The following B3GALT1 variants were observed in gnomAD, a reference collection of about 807,000 sequenced individuals.
The protein encoded by B3GALT1 is beta-1,3-galactosyltransferase 1.
B3GALT1 carries 10 observed loss-of-function variants against 23.2 expected under a neutral mutation model. The observed-to-expected ratio is 0.43, with a 90% confidence interval of 0.27 to 0.73. The LOEUF (loss-of-function observed/expected upper bound fraction) is 0.73. Among genes scored for constraint, B3GALT1 ranks in the 30% least tolerant of loss-of-function variants. The probability of loss-of-function intolerance (pLI) is 0.21; values close to 1 mark genes in which losing one functional copy is unlikely to be tolerated. For missense variants in B3GALT1, 299 were observed against 405.4 expected (o/e 0.74, Z 2.25); for synonymous variants, 156 against 141.5 (o/e 1.10, Z -0.73).
chr2:167,294,604 T>C (rs1298892483), intron 1 of B3GALT1, among the ~76,000 whole-genome samples: 1 of 152,172 alleles, frequency 6.6e-6, no homozygotes, highest in Non-Finnish European at 1.5e-5. Context: ...GAGTATCTGC[T>C]TAGGAAAGTT....
chr2:167,819,928 A>G (rs1162034991), intron 4 of B3GALT1, among the ~76,000 whole-genome samples: 1 of 152,182 alleles, frequency 6.6e-6, no homozygotes, highest in African/African-American at 2.4e-5. Flanking sequence ...CATTGGAAGG[A>G]ATGTGCAGTT....
At chr2:167,440,512 T>C (rs1042829796) in intron 1 of B3GALT1, among the ~76,000 whole-genome samples, 7 of 152,064 alleles carry the variant, frequency 4.6e-5, no homozygotes, top group African/African-American at 1.4e-4. Context: ...TTGTACTATG[T>C]TTTTTTGTAA....
At chr2:167,452,979 T>C (rs1699111256) in intron 1 of B3GALT1, among the ~76,000 whole-genome samples, 1 of 152,182 alleles carries the variant, frequency 6.6e-6, no homozygotes, top group African/African-American at 2.4e-5. Context: ...CCCAGATCAT[T>C]CTAATATGGA....
At chr2:167,319,202 A>C (rs892662186) in intron 1 of B3GALT1, among the ~76,000 whole-genome samples, 1 of 152,122 alleles carries the variant, frequency 6.6e-6, no homozygotes, top group Non-Finnish European at 1.5e-5. Flanking sequence ...AGCAAAGCCA[A>C]CATTAATCTC....
intron 1 of B3GALT1, among the ~76,000 whole-genome samples, chr2:167,462,975 T>C (rs1487312687): frequency 1.3e-5 from 2 of 152,112 alleles, no homozygotes; most frequent in Admixed American, 1.3e-4. Flanking sequence ...GTTTTTGAGA[T>C]TGTTTATGAT....
At chr2:167,838,609 C>G (rs930620319) in intron 4 of B3GALT1, among the ~76,000 whole-genome samples, 1 of 152,278 alleles carries the variant, frequency 6.6e-6, no homozygotes. Context: ...CAAGGAGGAA[C>G]TGGTACCATT....
chr2:167,870,160 T>C lies in B3GALT1; in HGVS notation c.*140T>C. 1 of 826,576 alleles carries C rather than the reference T, an allele frequency of 1.2e-6. No homozygotes were observed. The allele number at this position is 826,576 out of a possible 1,614,324, so 51.2% of individuals were successfully genotyped here. ...TTGCTTCCTGCTATAAGTTCTTTTCTTGGATTACCAATTTATGAATGTTAG... is the reference window on the plus strand; with the variant it reads ...TTGCTTCCTGCTATAAGTTCTTTTCCTGGATTACCAATTTATGAATGTTAG... On this transcript the variant is annotated 3_prime_UTR_variant, in exon 5 of 5. Coordinates refer to ENST00000392690, the MANE Select transcript of B3GALT1 (RefSeq NM_020981.4).
intron 2 of B3GALT1, among the ~76,000 whole-genome samples, chr2:167,531,253 A>G (rs531036450): frequency 4.6e-5 from 7 of 152,318 alleles, no homozygotes; most frequent in South Asian, 4.1e-4. Context: ...GATGGGCATA[A>G]ATCTCAGCAT....
At chr2:167,332,525 G>C (rs1465133250) in intron 1 of B3GALT1, among the ~76,000 whole-genome samples, 1 of 152,218 alleles carries the variant, frequency 6.6e-6, no homozygotes, top group Non-Finnish European at 1.5e-5. Flanking sequence ...ACAGCATTTA[G>C]TTAAGGATAT....
At chr2:167,303,331 A>G (rs778973996) in intron 1 of B3GALT1, among the ~76,000 whole-genome samples, 1 of 152,122 alleles carries the variant, frequency 6.6e-6, no homozygotes, top group Non-Finnish European at 1.5e-5. Flanking sequence ...CCTTCCCCAT[A>G]TACTTAGTTT....
rs71963760 is a variant in B3GALT1 at position 167,825,283 on chromosome 2, C to CAAAA, written c.-230+6503_-230+6506dup. The stretch of plus-strand genomic sequence containing the variant: ...TGGGCGACAGAGCAAGACTCCGTCT[C>CAAAA]AAAAAAAAAAAAAAAACAGAAAAAA... On this transcript the variant is annotated intron_variant, in intron 4 of 4. Coordinates refer to ENST00000392690, the MANE Select transcript of B3GALT1 (RefSeq NM_020981.4). Among the ~76,000 whole-genome samples the CAAAA allele has an allele frequency of 5.1e-3, 421 of 82,180 alleles. 6 individuals carry two copies. Among genetic ancestry groups the CAAAA allele is most frequent in the Non-Finnish European group, 6.8e-3 (279 of 41,068 alleles). 53.9% of individuals were successfully genotyped at this position (82,180 alleles called of 152,430 possible). A position where few individuals can be genotyped will look rare whatever the true frequency, so the allele number is the denominator to read the frequency against.
intron 1 of B3GALT1, among the ~76,000 whole-genome samples, chr2:167,486,667 G>A (rs1325945566): frequency 6.6e-6 from 1 of 151,934 alleles, no homozygotes; most frequent in Non-Finnish European, 1.5e-5. Flanking sequence ...GCAGTGAGCC[G>A]AGATCACACC....
chr2:167,565,952 A>G (rs569487553), intron 2 of B3GALT1, among the ~76,000 whole-genome samples: 31 of 152,236 alleles, frequency 2.0e-4, no homozygotes, highest in Non-Finnish European at 3.8e-4. Context: ...GCGATTCCTC[A>G]GGGATGTAGA....
At chr2:167,843,533 C>G (rs1278380362) in intron 4 of B3GALT1, among the ~76,000 whole-genome samples, 5 of 152,168 alleles carry the variant, frequency 3.3e-5, no homozygotes, top group East Asian at 1.9e-4. Context: ...CGCTATGGTG[C>G]TGGAGACACT....
chr2:167,396,517 AAT>A (rs199722723), intron 1 of B3GALT1, among the ~76,000 whole-genome samples: 11,411 of 117,436 alleles, frequency 0.097, 458 homozygotes, highest in South Asian at 0.2. Context: ...AAAGTCTGCA[AAT>A]ATATATATAT....
chr2:167,554,193 TACTTA>T (rs1187202684), intron 2 of B3GALT1, among the ~76,000 whole-genome samples: 1 of 152,254 alleles, frequency 6.6e-6, no homozygotes, highest in African/African-American at 2.4e-5. Context: ...ATAAGAGCTG[TACTTA>T]ACTTATGGTG....
chr2:167,835,253 G>A (rs1329667341), intron 4 of B3GALT1, among the ~76,000 whole-genome samples: 1 of 152,214 alleles, frequency 6.6e-6, no homozygotes, highest in African/African-American at 2.4e-5. Context: ...GGAAGCGCAA[G>A]GGGTCAGGGA....
At chr2:167,760,261 G>A (rs920978376) in intron 3 of B3GALT1, among the ~76,000 whole-genome samples, 10 of 152,148 alleles carry the variant, frequency 6.6e-5, no homozygotes, top group Admixed American at 2.6e-4. Context: ...TAAAGTAAAA[G>A]GTCCCCTGAA....
chr2:167,327,976 G>A (rs1346568007), intron 1 of B3GALT1, among the ~76,000 whole-genome samples: 2 of 152,148 alleles, frequency 1.3e-5, no homozygotes, highest in African/African-American at 4.8e-5. Flanking sequence ...CTATTGAGAT[G>A]ACCATGTAAT....
Sources: gnomAD v4.1 joint callset for allele counts (sites outside exome capture counted in the v4.1 genomes callset) on GRCh38, gnomAD v4.1.1 for gene constraint, MANE v1.5 for transcripts, NCBI Gene and HGNC (gene_info 2026-07-23, HGNC 2026-07-21) for gene names.